CACNA1D: variants seen among roughly 807,000 people sequenced by gnomAD.
CACNA1D encodes voltage-dependent L-type calcium channel subunit alpha-1D.
In CACNA1D, 55 loss-of-function variants were observed where a neutral mutation model predicts 257.1. The observed-to-expected ratio is 0.21, with a 90% CI of 0.17 to 0.27. CACNA1D has a LOEUF of 0.27. Among genes scored for constraint, CACNA1D ranks in the 10% least tolerant of loss-of-function variants. CACNA1D has a pLI of 1.00. For synonymous variants in CACNA1D, 980 were observed against 1,014.9 expected, an observed-to-expected ratio of 0.97 and a Z score of 0.65; for missense variants, 1,876 against 2,784.0, an observed-to-expected ratio of 0.67 and a Z score of 7.34.
Position 53,811,534 on chromosome 3 carries a change from T to A in CACNA1D, c.*128T>A, listed in dbSNP as rs754273979. The A allele has an allele frequency of 9.2e-6, 7 of 759,550 alleles. No individual in the cohort carries two copies. Among genetic ancestry groups the A allele is most frequent in the Middle Eastern group, 7.8e-4 (2 of 2,572 alleles). 47.1% of individuals were successfully genotyped at this position (759,550 alleles called of 1,614,324 possible). On this transcript the variant is annotated 3_prime_UTR_variant, in exon 48 of 48. Transcript: ENST00000350061. This position sits in a 1 kb window ranked among gnomAD's most constrained non-coding sequence, Gnocchi z 4.2. ...ATATTCAATTAATTAGACTTTTGTA[T>A]AAGAGATGTCATGCCTCAAGAAAGC...
chr3:53,745,810 A>G lies in CACNA1D; in HGVS notation c.3115-13A>G, dbSNP rs1397810165. Reference sequence around the variant, plus strand: ...CCTGCATTTACTTAACTGCCTGTCTATTTTATACCCAGGGGAAGTTCTATC... The same window carrying G: ...CCTGCATTTACTTAACTGCCTGTCTGTTTTATACCCAGGGGAAGTTCTATC... On this transcript the variant is annotated splice_polypyrimidine_tract_variant and intron_variant, in intron 24 of 47. Coordinates refer to ENST00000350061, the MANE Select transcript of CACNA1D (RefSeq NM_001128840.3). 7.4e-6 allele frequency: 12 copies of G among 1,612,982 alleles called. No individual in the cohort carries two copies. Among genetic ancestry groups the G allele is most frequent in the South Asian group, 2.2e-5 (2 of 91,072 alleles).
intron 4 of CACNA1D, among the ~76,000 whole-genome samples, chr3:53,654,274 A>G (rs1034275002): frequency 2.6e-5 from 4 of 152,216 alleles, no homozygotes; most frequent in African/African-American, 4.8e-5. Context: ...AGAAAGGGTA[A>G]ATACGTGGGT....
chr3:53,646,174 C>G (rs1033499885), intron 3 of CACNA1D, among the ~76,000 whole-genome samples: 4 of 152,062 alleles, frequency 2.6e-5, no homozygotes, highest in African/African-American at 9.7e-5. Context: ...GAGTGAAGCA[C>G]TCTGACAGAG....
At chr3:53,713,628 G>T (rs2094787360) in intron 9 of CACNA1D, among the ~76,000 whole-genome samples, 1 of 151,752 alleles carries the variant, frequency 6.6e-6, no homozygotes, top group Non-Finnish European at 1.5e-5. Flanking sequence ...ATGGATAAAT[G>T]TCTACACCTT....
intron 11 of CACNA1D, among the ~76,000 whole-genome samples, chr3:53,720,959 T>C (rs2108701970): frequency 6.6e-6 from 1 of 152,318 alleles, no homozygotes; most frequent in South Asian, 2.1e-4. Context: ...GTAACATGAA[T>C]GTTTGTACCA....
chr3:53,554,897 G>A (rs528251793), intron 3 of CACNA1D, among the ~76,000 whole-genome samples: 1 of 152,298 alleles, frequency 6.6e-6, no homozygotes, highest in African/African-American at 2.4e-5. Context: ...AAAAGGTTCT[G>A]TTGGCAGCCA....
In CACNA1D at chr3:53,759,017, C is replaced by T. The variant is rs975627861; in HGVS notation, c.3787-2981C>T. ...AAGAATGGGAGGGCTGACATTTTCT[C>T]CCTCCCCTGGACTCCTGTCAGAGCC... On this transcript the variant is annotated intron_variant, in intron 29 of 47. Coordinates refer to ENST00000350061, the MANE Select transcript of CACNA1D (RefSeq NM_001128840.3). Among the ~76,000 whole-genome samples the T allele has an allele frequency of 7.9e-5, 12 of 152,298 alleles. No homozygotes were observed. The East Asian group carries it at 2.3e-3, about 29-fold the overall frequency.
rs201053784 is a variant in CACNA1D, at chr3:53,770,525, G to A, written c.4017G>A (p.Leu1339=). ...LLSRGEGIRT[L]LWTFIKSFQA... ...GCAGGGGGGAAGGCATCCGGACATT[G>A]CTGTGGACTTTTATTAAGTCCTTTC... is the stretch of plus-strand genomic sequence containing the variant. The change falls in exon 32 of 48, where the codon TTG becomes TTA. Residue 1339 remains leucine (L), a synonymous_variant. Transcript: ENST00000350061. The A allele has an allele frequency of 5.0e-6, 8 of 1,613,980 alleles. No individual in the cohort carries two copies. The East Asian group carries it at 8.9e-5, about 18-fold the overall frequency.
At chr3:53,694,481 G>C (rs1006043683) in intron 8 of CACNA1D, among the ~76,000 whole-genome samples, 1 of 152,168 alleles carries the variant, frequency 6.6e-6, no homozygotes, top group East Asian at 1.9e-4. Flanking sequence ...ACAGCCCCAC[G>C]GAAGGGACGT....
intron 14 of CACNA1D, among the ~76,000 whole-genome samples, chr3:53,724,326 T>C (rs186159513): frequency 6.6e-6 from 1 of 152,364 alleles, no homozygotes; most frequent in Admixed American, 6.5e-5. Context: ...ACTCTAAAAT[T>C]CTTTTCTCTT....
At chr3:53,632,253 A>T (rs2093829522) in intron 3 of CACNA1D, among the ~76,000 whole-genome samples, 1 of 152,204 alleles carries the variant, frequency 6.6e-6, no homozygotes, top group African/African-American at 2.4e-5. Context: ...TTCACCTTGT[A>T]CTTTTATGTT....
Position 53,585,474 on chromosome 3 carries a change from G to A in CACNA1D, c.484-65305G>A, listed in dbSNP as rs974306318. Among the ~76,000 whole-genome samples the A allele has an allele frequency of 7.3e-4, 111 of 152,284 alleles. 1 individual carries two copies. Among genetic ancestry groups the A allele is most frequent in the Admixed American group, 3.9e-3 (60 of 15,290 alleles). ...ACCAACAAAAAACCCAGACTCTTGA[G>A]TTGAGGCCAGGTTTGAATCTCAAAG... On this transcript the variant is annotated intron_variant, in intron 3 of 47. Transcript: ENST00000350061.
chr3:53,591,338 C>T (rs748653525), intron 3 of CACNA1D, among the ~76,000 whole-genome samples: 4 of 152,130 alleles, frequency 2.6e-5, no homozygotes, highest in Non-Finnish European at 4.4e-5. Context: ...CTGTGACCTC[C>T]GCCTCCTGGG....
chr3:53,695,152 T>G (rs2094562046), intron 8 of CACNA1D, among the ~76,000 whole-genome samples: 1 of 152,100 alleles, frequency 6.6e-6, no homozygotes, highest in African/African-American at 2.4e-5. Context: ...AAAAATGGAC[T>G]AAGTCACAGC....
chr3:53,766,190 A>G (rs559174976), intron 30 of CACNA1D: 1 of 152,366 alleles, frequency 6.6e-6, no homozygotes, highest in South Asian at 2.1e-4. Flanking sequence ...CTGCCTTTTA[A>G]GGTATGCTGT....
chr3:53,565,354 A>T (rs1480738167), intron 3 of CACNA1D, among the ~76,000 whole-genome samples: 1 of 152,180 alleles, frequency 6.6e-6, no homozygotes, highest in Non-Finnish European at 1.5e-5. Context: ...ACACGTACAC[A>T]CATGCATACA....
At chr3:53,523,948 A>G (rs962721849) in intron 3 of CACNA1D, among the ~76,000 whole-genome samples, 1 of 152,240 alleles carries the variant, frequency 6.6e-6, no homozygotes, top group Non-Finnish European at 1.5e-5. Context: ...TCACTACTCA[A>G]GGACTGGTGC....
At chr3:53,589,677 A>G (rs954552714) in intron 3 of CACNA1D, among the ~76,000 whole-genome samples, 2 of 152,110 alleles carry the variant, frequency 1.3e-5, no homozygotes, top group Non-Finnish European at 2.9e-5. Flanking sequence ...TGGTGCAGTC[A>G]TGGCTTACTG....
chr3:53,576,391 G>T (rs2093038650), intron 3 of CACNA1D, among the ~76,000 whole-genome samples: 1 of 152,218 alleles, frequency 6.6e-6, no homozygotes, highest in Non-Finnish European at 1.5e-5. Context: ...GTCCGTGGAT[G>T]AGAGGATTCT....
Sources: gnomAD v4.1 joint callset for allele counts (sites outside exome capture counted in the v4.1 genomes callset) on GRCh38, gnomAD v4.1.1 for gene constraint, Gnocchi (gnomAD v3.1) non-coding constraint, MANE v1.5 for transcripts, NCBI Gene and HGNC (gene_info 2026-07-23, HGNC 2026-07-21) for gene names.